Variants in TENM3 observed in about 807,000 individuals in gnomAD.
TENM3 encodes teneurin transmembrane protein 3, also known as teneurin-3.
In TENM3, 63 loss-of-function variants were observed where a neutral mutation model predicts 255.1. The observed-to-expected ratio is 0.25, with a 90% CI of 0.20 to 0.30. The LOEUF (loss-of-function observed/expected upper bound fraction) is 0.30. Among genes scored for constraint, TENM3 ranks in the 10% least tolerant of loss-of-function variants. TENM3 has a pLI of 1.00. For synonymous variants in TENM3, 1,306 were observed against 1,322.3 expected (o/e 0.99, Z 0.27); for missense variants, 2,929 against 3,461.1 (o/e 0.85, Z 3.86).
chr4:181,568,446 T>C, the TENM3 span, among the ~76,000 whole-genome samples: 1 of 152,038 alleles, frequency 6.6e-6, no homozygotes, highest in Non-Finnish European at 1.5e-5. Flanking sequence ...CCCCTCATCC[T>C]CCCAAAGTGC....
At position 182,687,012 on chromosome 4, in the gene TENM3, C is replaced by A. The variant is rs1024706982; in HGVS notation, c.2036-1154C>A. On this transcript the variant is annotated intron_variant, in intron 11 of 27. Coordinates refer to ENST00000511685, the MANE Select transcript of TENM3 (RefSeq NM_001080477.4). ...TGTTTATAAAAAATATTACAACTCT[C>A]GTAGTGCCTTGATAAGGTGTTTAGC... 7.2e-5 allele frequency among the ~76,000 whole-genome samples: 11 copies of A among 152,178 alleles called. No individual in the cohort carries two copies. The East Asian group carries it at 1.9e-3, about 27-fold the overall frequency.
At chr4:182,303,618 G>T (rs1277409479) in intron 1 of TENM3, among the ~76,000 whole-genome samples, 4 of 152,076 alleles carry the variant, frequency 2.6e-5, no homozygotes, top group South Asian at 2.1e-4. Context: ...CTACTTAACA[G>T]GTGTATGACC....
At chr4:181,527,887 T>C in the TENM3 span, among the ~76,000 whole-genome samples, 2 of 152,092 alleles carry the variant, frequency 1.3e-5, no homozygotes, top group Non-Finnish European at 2.9e-5. Flanking sequence ...TCTTCTTTCA[T>C]TTAAACTTAT....
intron 12 of TENM3, among the ~76,000 whole-genome samples, chr4:182,706,959 C>CAAA: frequency 7.9e-6 from 1 of 126,140 alleles, no homozygotes. Flanking sequence ...ACCCTGTATC[C>CAAA]AAAAAAAAAA....
At chr4:181,488,316 G>A in the TENM3 span, among the ~76,000 whole-genome samples, 1 of 152,102 alleles carries the variant, frequency 6.6e-6, no homozygotes, top group African/African-American at 2.4e-5. Flanking sequence ...AGTACAATTG[G>A]TGAGAAGTCG....
chr4:182,737,662 T>C (rs575848916), intron 17 of TENM3, among the ~76,000 whole-genome samples: 2 of 152,340 alleles, frequency 1.3e-5, no homozygotes, highest in African/African-American at 4.8e-5. Flanking sequence ...GTATATAGTA[T>C]AGCTTCAAGC....
At chr4:182,575,539 A>G (rs910693731) in intron 3 of TENM3, among the ~76,000 whole-genome samples, 3 of 152,172 alleles carry the variant, frequency 2.0e-5, no homozygotes, top group Non-Finnish European at 2.9e-5. Flanking sequence ...CAGGCTTTTA[A>G]TATTCCATCT....
At chr4:182,545,251 G>A (rs1359036209) in intron 3 of TENM3, among the ~76,000 whole-genome samples, 1 of 152,116 alleles carries the variant, frequency 6.6e-6, no homozygotes, top group African/African-American at 2.4e-5. Flanking sequence ...CTGTTTGCGT[G>A]GAAAGACGTC....
the TENM3 span, among the ~76,000 whole-genome samples, chr4:181,899,384 G>A: frequency 6.6e-6 from 1 of 151,938 alleles, no homozygotes; most frequent in Admixed American, 6.6e-5. Context: ...AAATTAAAGA[G>A]TATTTAAGAA....
chr4:182,182,573 T>G (rs1752908373), intron 1 of TENM3, among the ~76,000 whole-genome samples: 1 of 152,226 alleles, frequency 6.6e-6, no homozygotes, highest in South Asian at 2.1e-4. Flanking sequence ...CATCTCTTGA[T>G]GATCTAATTA....
chr4:182,291,832 C>G (rs11132121), intron 1 of TENM3, among the ~76,000 whole-genome samples: 37,961 of 151,942 alleles, frequency 0.25, 5,902 homozygotes, highest in African/African-American at 0.43. Context: ...GTTCCCATGG[C>G]ATATTGTCTC....
the TENM3 span, among the ~76,000 whole-genome samples, chr4:181,655,941 C>T: frequency 0.99 from 151,356 of 152,246 alleles, 75,242 homozygotes; most frequent in East Asian, 1. Context: ...TGCTAGAAGC[C>T]TCTTTGTCCC....
At chr4:182,681,610 A>G (rs111697717) in intron 10 of TENM3, among the ~76,000 whole-genome samples, 38 of 152,330 alleles carry the variant, frequency 2.5e-4, no homozygotes, top group Middle Eastern at 3.4e-3. Flanking sequence ...AAGAGTCTCA[A>G]TTACCTAAAT....
intron 3 of TENM3, among the ~76,000 whole-genome samples, chr4:182,555,308 T>C (rs1183796623): frequency 6.6e-6 from 1 of 152,150 alleles, no homozygotes; most frequent in African/African-American, 2.4e-5. Flanking sequence ...TCAAGAAATA[T>C]AGTTTGAATC....
At chr4:182,437,830 T>C (rs1173157422) in intron 3 of TENM3, among the ~76,000 whole-genome samples, 1 of 149,682 alleles carries the variant, frequency 6.7e-6, no homozygotes, top group Non-Finnish European at 1.5e-5. Context: ...CGGGCACCTG[T>C]AGTCCCAGCT....
intron 2 of TENM3, among the ~76,000 whole-genome samples, chr4:182,343,314 A>C (rs930456579): frequency 2.6e-5 from 4 of 152,176 alleles, no homozygotes; most frequent in Admixed American, 2.6e-4. Context: ...CTGCTGATCA[A>C]GGTTACCAAA....
intron 1 of TENM3, among the ~76,000 whole-genome samples, chr4:182,233,060 A>T (rs1756680690): frequency 6.6e-6 from 1 of 152,184 alleles, no homozygotes; most frequent in Admixed American, 6.5e-5. Context: ...TCTTGTAGAC[A>T]TGACAGCCTC....
intron 3 of TENM3, among the ~76,000 whole-genome samples, chr4:182,489,805 G>A (rs1234150454): frequency 1.4e-5 from 2 of 144,720 alleles, no homozygotes; most frequent in Non-Finnish European, 3.0e-5. Context: ...TCCTCCTCTC[G>A]CCCTGTTCCT....
the TENM3 span, among the ~76,000 whole-genome samples, chr4:181,699,472 A>AAAAAAAAAAAAAAAAAAAAAAAAAAAAAT: frequency 3.8e-5 from 5 of 133,052 alleles, no homozygotes; most frequent in African/African-American, 1.5e-4. Flanking sequence ...AAAAAAAAAA[A>AAAAAAAAAAAAAAAAAAAAAAAAAAAAAT]GAAAGAAAGA....
Sources: allele counts gnomAD v4.1 joint callset (sites outside exome capture counted in the v4.1 genomes callset), GRCh38; gene constraint gnomAD v4.1.1; transcripts MANE v1.5; gene names NCBI Gene and HGNC (gene_info 2026-07-23, HGNC 2026-07-21).